DLG2: variants seen among roughly 807,000 people sequenced by gnomAD.
DLG2 encodes disks large homolog 2.
A neutral mutation model predicts 132.5 loss-of-function variants in DLG2; 45 were observed. That is an observed-to-expected ratio of 0.34 (90% CI 0.27 to 0.44). DLG2 has a LOEUF of 0.44. Among genes scored for constraint, DLG2 ranks in the 20% least tolerant of loss-of-function variants. DLG2 has a pLI of 1.00. For missense variants in DLG2, 1,045 were observed against 1,196.9 expected (o/e 0.87, Z 1.87); for synonymous variants, 424 against 419.6 (o/e 1.01, Z -0.13).
chr11:85,028,410 T>C (rs998893246), intron 6 of DLG2, among the ~76,000 whole-genome samples: 5 of 152,050 alleles, frequency 3.3e-5, no homozygotes, highest in African/African-American at 9.7e-5. Flanking sequence ...GGCTTGAAGG[T>C]GAGGCTTCAC....
Position 85,007,807 on chromosome 11 carries a change from A to G in DLG2, c.357+103854T>C, listed in dbSNP as rs555645330. Among the ~76,000 whole-genome samples the G allele has an allele frequency of 2.0e-5, 3 of 152,114 alleles. No individual in the cohort carries two copies. In the South Asian group the frequency reaches 6.2e-4, roughly 32 times the overall value. On this transcript the variant is annotated intron_variant, in intron 6 of 27. Transcript: ENST00000376104. The stretch of plus-strand genomic sequence containing the variant: ...CTAGTTTTCTCATCTGCAATATAAG[A>G]TTGTTAGACCACCCTCTTTTGTGAC...
rs551855512 is a variant in DLG2, at chr11:84,841,896, A to G, written c.357+269765T>C. ...TTTCTAAATTTTTATTATTACAGATAATGTTGCAGTAAACATTGCTATATG... is the reference window on the plus strand; with the variant it reads ...TTTCTAAATTTTTATTATTACAGATGATGTTGCAGTAAACATTGCTATATG... On this transcript the variant is annotated intron_variant, in intron 6 of 27. Transcript: ENST00000376104. 8.7e-4 allele frequency among the ~76,000 whole-genome samples: 133 copies of G among 152,028 alleles called. 1 individual carries two copies. The highest frequency in any genetic ancestry group is 3.2e-3 in the African/African-American group (133 of 41,532).
At chr11:84,274,631 A>G (rs2097767857) in intron 7 of DLG2, among the ~76,000 whole-genome samples, 1 of 152,236 alleles carries the variant, frequency 6.6e-6, no homozygotes, top group Admixed American at 6.5e-5. Context: ...GGCTGACACC[A>G]GGGAAGTTTT....
intron 6 of DLG2, among the ~76,000 whole-genome samples, chr11:84,898,932 C>A (rs2090540918): frequency 1.3e-5 from 2 of 152,008 alleles, no homozygotes; most frequent in Non-Finnish European, 2.9e-5. Flanking sequence ...CATATGCCTA[C>A]CTCTATGTAC....
chr11:83,594,499 A>G (rs500571), intron 19 of DLG2, among the ~76,000 whole-genome samples: 47,606 of 152,150 alleles, frequency 0.31, 8,583 homozygotes, highest in Admixed American at 0.47. Context: ...TTAAACTGAC[A>G]ACATGCTTAA....
intron 19 of DLG2, among the ~76,000 whole-genome samples, chr11:83,579,898 A>C (rs1338333709): frequency 1.3e-5 from 2 of 150,820 alleles, no homozygotes; most frequent in Admixed American, 1.3e-4. Flanking sequence ...TGAACCTGGG[A>C]GGTGGAGGGT....
Position 84,165,917 on chromosome 11 carries a change from C to A in DLG2, c.574-2406G>T, listed in dbSNP as rs568655253. ...CGTCTCAAAAACAAAACTAAACAAA[C>A]AACAACAACAACAACAAAGCATCCC... On this transcript the variant is annotated intron_variant, in intron 8 of 27. Coordinates refer to ENST00000376104, the MANE Select transcript of DLG2 (RefSeq NM_001142699.3). Among the ~76,000 whole-genome samples the A allele has an allele frequency of 2.6e-5, 4 of 151,858 alleles. No individual in the cohort carries two copies. The South Asian group carries it at 8.3e-4, about 32-fold the overall frequency.
At chr11:85,446,537 A>G (rs533774175) in intron 3 of DLG2, among the ~76,000 whole-genome samples, 2 of 152,340 alleles carry the variant, frequency 1.3e-5, no homozygotes, top group East Asian at 3.9e-4. Context: ...TGTTTAGTAA[A>G]TATCGATCAG....
chr11:84,117,515 T>C (rs1167609302), intron 9 of DLG2, among the ~76,000 whole-genome samples: 1 of 152,206 alleles, frequency 6.6e-6, no homozygotes, highest in Non-Finnish European at 1.5e-5. Flanking sequence ...AAGACACTCA[T>C]TCCATTTCCA....
intron 6 of DLG2, among the ~76,000 whole-genome samples, chr11:84,874,321 G>C (rs974402913): frequency 1.3e-5 from 2 of 152,184 alleles, no homozygotes; most frequent in Admixed American, 6.5e-5. Context: ...GGGAGAAAGA[G>C]AGGCAGAATA....
chr11:84,939,988 G>A (rs2049192168), intron 6 of DLG2, among the ~76,000 whole-genome samples: 1 of 152,120 alleles, frequency 6.6e-6, no homozygotes, highest in East Asian at 1.9e-4. Context: ...TTAGCTTTCT[G>A]AGGATCCTGC....
At chr11:83,521,618 C>G (rs538774719) in intron 21 of DLG2, among the ~76,000 whole-genome samples, 1 of 152,312 alleles carries the variant, frequency 6.6e-6, no homozygotes, top group South Asian at 2.1e-4. Context: ...CCGGTCTGGA[C>G]TCTGCCAAGT....
intron 7 of DLG2, among the ~76,000 whole-genome samples, chr11:84,403,551 A>G (rs779775975): frequency 1.3e-5 from 2 of 152,048 alleles, no homozygotes; most frequent in Non-Finnish European, 2.9e-5. Context: ...ATTATTTTCT[A>G]TCACTGTTAT....
intron 7 of DLG2, among the ~76,000 whole-genome samples, chr11:84,500,155 T>A (rs79349228): frequency 6.6e-6 from 1 of 152,090 alleles, no homozygotes; most frequent in Non-Finnish European, 1.5e-5. Flanking sequence ...CATGGTCGTA[T>A]GATAGAGCGA....
chr11:83,976,418 A>G (rs1358533826), intron 12 of DLG2, among the ~76,000 whole-genome samples: 1 of 151,974 alleles, frequency 6.6e-6, no homozygotes, highest in East Asian at 1.9e-4. Flanking sequence ...GGTACATCAT[A>G]GAATCTAAAT....
intron 15 of DLG2, among the ~76,000 whole-genome samples, chr11:83,914,323 C>G (rs1389317703): frequency 2.0e-5 from 3 of 152,156 alleles, no homozygotes; most frequent in Non-Finnish European, 2.9e-5. Flanking sequence ...CTGCTAGAAG[C>G]AGATGCTGAC....
intron 7 of DLG2, among the ~76,000 whole-genome samples, chr11:84,384,991 G>A (rs1408204752): frequency 6.6e-6 from 1 of 152,044 alleles, no homozygotes; most frequent in South Asian, 2.1e-4. Context: ...TATATTTGGA[G>A]GCTCTTGAAA....
chr11:83,647,613 G>C (rs2068635681), intron 18 of DLG2: 1 of 152,136 alleles, frequency 6.6e-6, no homozygotes, highest in Admixed American at 6.6e-5. Flanking sequence ...TTGGGTTTCT[G>C]CTTTCTCAGC....
chr11:84,255,397 C>T (rs764165864), intron 7 of DLG2, among the ~76,000 whole-genome samples: 6 of 152,154 alleles, frequency 3.9e-5, no homozygotes, highest in Non-Finnish European at 8.8e-5. Context: ...AATCTCGGCT[C>T]ACTGCAAACT....
Sources: gnomAD v4.1 joint callset for allele counts (sites outside exome capture counted in the v4.1 genomes callset) on GRCh38, gnomAD v4.1.1 for gene constraint, MANE v1.5 for transcripts, NCBI Gene and HGNC (gene_info 2026-07-23, HGNC 2026-07-21) for gene names.